Variants in PCDHA7 observed in about 807,000 individuals in gnomAD.
PCDHA7 encodes the protein protocadherin alpha-7.
Under a neutral mutation model 57.2 loss-of-function variants are expected in PCDHA7, and 37 were observed. That is an observed-to-expected ratio of 0.65 (90% CI 0.50 to 0.85). The LOEUF (loss-of-function observed/expected upper bound fraction) is 0.85, where lower values mean the gene tolerates loss of function less well. Among genes scored for constraint, PCDHA7 ranks in the 40% least tolerant of loss-of-function variants. PCDHA7 has a pLI of 0.00. For synonymous variants in PCDHA7, 553 were observed against 558.8 expected (o/e 0.99, Z 0.15); for missense variants, 1,188 against 1,241.8 (o/e 0.96, Z 0.65).
chr5:140,870,385 G>A, intron 1 of PCDHA7: 1 of 1,614,240 alleles, frequency 6.2e-7, no homozygotes. Context: ...GACTGCGCGG[G>A]ATGGGGGTTC....
intron 1 of PCDHA7, among the ~76,000 whole-genome samples, chr5:140,975,411 G>A (rs868983297): frequency 6.6e-6 from 1 of 152,236 alleles, no homozygotes; most frequent in African/African-American, 2.4e-5. Flanking sequence ...CAGTCTTGGA[G>A]ACTATTCAGG....
At position 141,009,698 on chromosome 5, in the gene PCDHA7, G is replaced by A. The variant is rs900919931; in HGVS notation, c.2575G>A (p.Gly859Arg). The part of the protein sequence containing the change: ...VNSNSWTFKY[G>R]PGNPKQSGPG... Reference sequence around the variant, plus strand: ...CAGCAACAGCTGGACCTTTAAATACGGACCAGGCAACCCCAAACAATCCGG... The same window carrying A: ...CAGCAACAGCTGGACCTTTAAATACAGACCAGGCAACCCCAAACAATCCGG... The change falls in exon 4 of 4, where the codon GGA (glycine) becomes AGA (arginine). Residue 859 changes from glycine (G) to arginine (R), a missense_variant. Physicochemically the swap from Gly to Arg is moderately radical, Grantham distance 125. Transcript: ENST00000525929. The A allele has an allele frequency of 1.9e-6, 3 of 1,614,030 alleles. No homozygotes were observed. The highest frequency in any genetic ancestry group is 1.1e-5 in the South Asian group (1 of 91,066).
At chr5:140,920,136 C>T (rs1554199437) in intron 1 of PCDHA7, among the ~76,000 whole-genome samples, 1 of 152,182 alleles carries the variant, frequency 6.6e-6, no homozygotes, top group African/African-American at 2.4e-5. Flanking sequence ...TTTAATTCTC[C>T]TCTCCAAACC....
chr5:140,917,058 C>T (rs1028478613), intron 1 of PCDHA7, among the ~76,000 whole-genome samples: 4 of 152,072 alleles, frequency 2.6e-5, no homozygotes, highest in Non-Finnish European at 5.9e-5. Context: ...TTCCCTGCTA[C>T]GACAGCACCG....
At position 140,836,007 on chromosome 5, in the gene PCDHA7, G is replaced by T. The variant is rs2150250458; in HGVS notation, c.1624G>T (p.Val542Leu). The T allele has an allele frequency of 5.0e-5, 81 of 1,613,178 alleles. 3 individuals are homozygous for T. In the East Asian group the frequency reaches 1.3e-3, roughly 27 times the overall value. Residue 542 changes from valine (V) to leucine (L), a missense_variant, in exon 1 of 4, where the codon GTG becomes TTG. By Grantham distance (32) the Val-to-Leu change is conservative. Around this residue, in one of 3 missense-constraint regions of PCDHA7, gnomAD observed 892 missense variants for 788.5 expected, o/e 1.13. Transcript: ENST00000525929. ...CCAGGTGAGCGCGCGCGATGCGGGC[G>T]TGCCGCCTCTGGGCAGCAACGTGAC... ...QFQVSARDAG[V>L]PPLGSNVTLQ...
chr5:140,939,240 AGGT>A (rs1314261929), intron 1 of PCDHA7, among the ~76,000 whole-genome samples: 2 of 152,170 alleles, frequency 1.3e-5, no homozygotes, highest in African/African-American at 4.8e-5. Context: ...GGAAGGAGCA[AGGT>A]AGCTCTCTGG....
intron 1 of PCDHA7, chr5:140,877,662 C>A (rs1176424464): frequency 1.9e-6 from 3 of 1,613,440 alleles, no homozygotes; most frequent in East Asian, 2.2e-5. Context: ...CCACCGTGAG[C>A]CGGTGCGCGC....
intron 1 of PCDHA7, among the ~76,000 whole-genome samples, chr5:140,962,962 A>G (rs1273558602): frequency 1.3e-5 from 2 of 152,194 alleles, no homozygotes; most frequent in South Asian, 2.1e-4. Flanking sequence ...CTATCCCTAT[A>G]TAGGAAATTT....
intron 1 of PCDHA7, among the ~76,000 whole-genome samples, chr5:140,904,121 T>G (rs1554191284): frequency 6.6e-6 from 1 of 152,194 alleles, no homozygotes; most frequent in Non-Finnish European, 1.5e-5. Flanking sequence ...GAGATTTTGG[T>G]GCACCCATCA....
chr5:140,844,051 CAA>C (rs1431845216), intron 1 of PCDHA7, among the ~76,000 whole-genome samples: 4 of 149,544 alleles, frequency 2.7e-5, no homozygotes, highest in African/African-American at 9.8e-5. Flanking sequence ...AGTATTCCCC[CAA>C]AGCGTTTATT....
intron 1 of PCDHA7, among the ~76,000 whole-genome samples, chr5:140,948,767 T>G (rs1266601836): frequency 6.6e-6 from 1 of 151,640 alleles, no homozygotes; most frequent in Non-Finnish European, 1.5e-5. Context: ...TTTTTTCGAA[T>G]AGCCAGCTTT....
intron 1 of PCDHA7, among the ~76,000 whole-genome samples, chr5:140,894,788 T>C (rs1217718306): frequency 2.0e-5 from 3 of 152,160 alleles, no homozygotes; most frequent in Admixed American, 1.3e-4. Flanking sequence ...TTATTTGTCC[T>C]CTCCTTTAAA....
intron 1 of PCDHA7, chr5:140,856,300 T>C (rs1251498133): frequency 1.3e-6 from 2 of 1,598,422 alleles, no homozygotes; most frequent in African/African-American, 2.7e-5. Context: ...GCATTTTGTT[T>C]GTGAATTCTC....
intron 1 of PCDHA7, chr5:140,928,845 T>C: frequency 6.2e-7 from 1 of 1,614,180 alleles, no homozygotes; most frequent in Non-Finnish European, 8.5e-7. Flanking sequence ...CCTCTGTCAC[T>C]CTGGGTGTGC....
intron 1 of PCDHA7, chr5:140,871,576 G>A (rs1554165757): frequency 4.1e-6 from 6 of 1,475,680 alleles, no homozygotes; most frequent in Non-Finnish European, 5.4e-6. Flanking sequence ...GATTTTTTAA[G>A]GGAAAGTTTT....
chr5:140,876,455 C>G, intron 1 of PCDHA7: 1 of 1,613,992 alleles, frequency 6.2e-7, no homozygotes, highest in Non-Finnish European at 8.5e-7. Context: ...AAAGGGATTC[C>G]TTCCATGGCA....
intron 1 of PCDHA7, among the ~76,000 whole-genome samples, chr5:140,893,276 G>A (rs1554185570): frequency 6.6e-6 from 1 of 152,164 alleles, no homozygotes; most frequent in African/African-American, 2.4e-5. Context: ...TAGTGGAATT[G>A]CTGGATGATA....
At chr5:140,844,714 T>C (rs1779510682) in intron 1 of PCDHA7, among the ~76,000 whole-genome samples, 1 of 149,562 alleles carries the variant, frequency 6.7e-6, no homozygotes, top group Admixed American at 6.7e-5. Context: ...TCATGGCCCA[T>C]TAGTTCGTGT....
intron 1 of PCDHA7, among the ~76,000 whole-genome samples, chr5:140,844,362 T>G (rs1209255757): frequency 6.7e-6 from 1 of 149,512 alleles, no homozygotes; most frequent in African/African-American, 2.4e-5. Context: ...GGGAAGAGAT[T>G]TGTAATCCTT....
Sources: gnomAD v4.1 joint callset for allele counts (sites outside exome capture counted in the v4.1 genomes callset) on GRCh38, gnomAD v4.1.1 for gene constraint, gnomAD v4.1.1 regional missense constraint, MANE v1.5 for transcripts, NCBI Gene and HGNC (gene_info 2026-07-23, HGNC 2026-07-21) for gene names.